DOCK5: variants seen among roughly 807,000 people sequenced by gnomAD.
The protein encoded by DOCK5 is dedicator of cytokinesis 5.
A neutral mutation model predicts 251.8 loss-of-function variants in DOCK5; 142 were observed. The ratio of observed to expected loss-of-function variants is 0.56; its 90% confidence interval spans 0.49 to 0.65. The LOEUF is 0.65. Among genes scored for constraint, DOCK5 ranks in the 30% least tolerant of loss-of-function variants. The pLI is 0.00. For synonymous variants in DOCK5, 842 were observed against 835.5 expected, an observed-to-expected ratio of 1.01 and a Z score of -0.13; for missense variants, 2,111 against 2,312.3, an observed-to-expected ratio of 0.91 and a Z score of 1.79.
chr8:25,356,898 A>G (rs1800582563), intron 27 of DOCK5, among the ~76,000 whole-genome samples: 1 of 137,386 alleles, frequency 7.3e-6, no homozygotes, highest in East Asian at 2.2e-4. Context: ...AAATCCCTCT[A>G]TATGAAGATT....
rs1333045036 is a variant in DOCK5 at position 25,210,122 on chromosome 8, ATCT to A, written c.43+25172_43+25174del. 3.6e-3 allele frequency among the ~76,000 whole-genome samples: 180 copies of A among 49,616 alleles called. 48 individuals are homozygous for A. The highest frequency in any genetic ancestry group is 7.2e-3 in the African/African-American group (166 of 22,898). 32.6% of individuals were successfully genotyped at this position (49,616 alleles called of 152,430 possible). On this transcript the variant is annotated intron_variant, in intron 1 of 51. Coordinates refer to ENST00000276440, the MANE Select transcript of DOCK5 (RefSeq NM_024940.8). ...TATCTATCTATCTATCTATCTATCT[ATCT>A]ATCTATCTATCGAGTAGAGATGGGG...
intron 1 of DOCK5, among the ~76,000 whole-genome samples, chr8:25,204,980 G>A (rs1051528320): frequency 2.6e-5 from 4 of 152,072 alleles, no homozygotes; most frequent in Non-Finnish European, 5.9e-5. Flanking sequence ...GAGATAATTA[G>A]GTTTAGATGA....
At chr8:25,374,541 C>A (rs764201512) in intron 36 of DOCK5, 23 bp from the exon 37 acceptor site, 3 of 1,584,230 alleles carry the variant, frequency 1.9e-6, no homozygotes, top group Non-Finnish European at 2.6e-6. Flanking sequence ...TGACAAAATG[C>A]TTCCTTCTCC....
chr8:25,224,678 G>A (rs1802483610), intron 1 of DOCK5, among the ~76,000 whole-genome samples: 1 of 152,160 alleles, frequency 6.6e-6, no homozygotes, highest in South Asian at 2.1e-4. Flanking sequence ...TCTCTGCATT[G>A]AAAGACATGG....
Position 25,353,984 on chromosome 8 carries a change from C to T in DOCK5, c.2850+2158C>T, listed in dbSNP as rs565140851. ...TTGAGGTTGCAATGAGCCAAGGTCA[C>T]GCCACTGCACTCCACCCTGGGTGAC... On this transcript the variant is annotated intron_variant, in intron 27 of 51. Transcript: ENST00000276440. 3.1e-3 allele frequency among the ~76,000 whole-genome samples: 441 copies of T among 142,200 alleles called. 2 individuals carry two copies. Among genetic ancestry groups the T allele is most frequent in the African/African-American group, 0.011 (399 of 36,912 alleles). 93.3% of individuals were successfully genotyped at this position (142,200 alleles called of 152,430 possible).
At chr8:25,318,415 C>CTTCT (rs1238408095) in intron 14 of DOCK5, among the ~76,000 whole-genome samples, 1 of 151,842 alleles carries the variant, frequency 6.6e-6, no homozygotes, top group African/African-American at 2.4e-5. Context: ...ACTTTACTTT[C>CTTCT]TTCTTTCTTT....
intron 1 of DOCK5, among the ~76,000 whole-genome samples, chr8:25,239,323 GTGTGTGTGTGTGTGTGTA>G (rs1289355727): frequency 7.7e-4 from 98 of 127,564 alleles, no homozygotes; most frequent in African/African-American, 2.3e-3. Flanking sequence ...GTGTATATGT[GTGTGTGTGTGTGTGTGTA>G]TGTGTGTGTG....
intron 12 of DOCK5, among the ~76,000 whole-genome samples, chr8:25,309,492 T>C (rs1352503185): frequency 2.0e-5 from 3 of 152,194 alleles, no homozygotes; most frequent in Non-Finnish European, 4.4e-5. Flanking sequence ...CTCCATGTTT[T>C]TGCCTACCCT....
At chr8:25,311,995 G>T (rs1158916048) in intron 13 of DOCK5, among the ~76,000 whole-genome samples, 1 of 152,164 alleles carries the variant, frequency 6.6e-6, no homozygotes, top group Non-Finnish European at 1.5e-5. Flanking sequence ...TTAAGGGGCA[G>T]TGATAACTTG....
At chr8:25,256,638 CAAAAAAA>C (rs891243325) in intron 2 of DOCK5, among the ~76,000 whole-genome samples, 3 of 48,944 alleles carry the variant, frequency 6.1e-5, no homozygotes, top group East Asian at 1.5e-3. Flanking sequence ...ATCTCCATCT[CAAAAAAA>C]AAAAAAAAAA....
At chr8:25,322,271 G>A (rs977029951) in intron 16 of DOCK5, among the ~76,000 whole-genome samples, 1 of 152,218 alleles carries the variant, frequency 6.6e-6, no homozygotes, top group African/African-American at 2.4e-5. Flanking sequence ...GGAATAGTAT[G>A]ATATGTACAT....
intron 34 of DOCK5, 133 bp downstream of exon 34, chr8:25,369,774 G>A (rs1221284806): frequency 2.7e-5 from 18 of 676,048 alleles, no homozygotes; most frequent in Non-Finnish European, 4.3e-5. Context: ...GTGGTCTTCA[G>A]TATGGTTATG....
intron 1 of DOCK5, among the ~76,000 whole-genome samples, chr8:25,213,494 A>G (rs1012153089): frequency 2.0e-5 from 3 of 151,774 alleles, no homozygotes; most frequent in African/African-American, 7.3e-5. Flanking sequence ...AACGTTTGAG[A>G]AACTGGAGAC....
rs1563223474 is a variant in DOCK5, at chr8:25,380,900, GAATGCCCAGTGGAGGCAGCACCATTCCA to G, written c.4026+522_4026+549del. On this transcript the variant is annotated intron_variant, in intron 39 of 51. Coordinates refer to ENST00000276440, the MANE Select transcript of DOCK5 (RefSeq NM_024940.8). ...TGCCCAGTGGAGGCAGCACCATTCC[GAATGCCCAGTGGAGGCAGCACCATTCCA>G]AATGCCCAGTGGAGGAGGCAGCCAT... Among the ~76,000 whole-genome samples, 33 of 148,590 alleles carry G rather than the reference GAATGCCCAGTGGAGGCAGCACCATTCCA, an allele frequency of 2.2e-4. No homozygotes were observed. The East Asian group carries it at 4.7e-3, about 21-fold the overall frequency.
intron 5 of DOCK5, among the ~76,000 whole-genome samples, chr8:25,289,630 G>T (rs1000450971): frequency 6.6e-6 from 1 of 151,728 alleles, no homozygotes; most frequent in African/African-American, 2.4e-5. Flanking sequence ...ATCATCTGAG[G>T]TCGGGAGTTT....
chr8:25,232,542 A>T (rs1331376702), intron 1 of DOCK5, among the ~76,000 whole-genome samples: 1 of 152,144 alleles, frequency 6.6e-6, no homozygotes, highest in Non-Finnish European at 1.5e-5. Flanking sequence ...GGTTCTGGTG[A>T]GGGCAGTCAG....
rs1803013421 is a variant in DOCK5, at chr8:25,243,545, G to T, written c.44-129G>T. Reference sequence around the variant, plus strand: ...GGGGTTTCACCATCTTGGCCAGGCTGGTCTTGAACTCCTGACCTCATGATC... The same window carrying T: ...GGGGTTTCACCATCTTGGCCAGGCTTGTCTTGAACTCCTGACCTCATGATC... On this transcript the variant is annotated intron_variant, in intron 1 of 51. Transcript: ENST00000276440. 6 of 710,590 alleles carry T rather than the reference G, an allele frequency of 8.4e-6. No homozygotes were observed. The South Asian group carries it at 1.0e-4, about 12-fold the overall frequency. The allele number at this position is 710,590 out of a possible 1,614,324, so 44.0% of individuals were successfully genotyped here.
intron 1 of DOCK5, among the ~76,000 whole-genome samples, chr8:25,204,744 A>G (rs1801960863): frequency 6.6e-6 from 1 of 152,202 alleles, no homozygotes; most frequent in Admixed American, 6.5e-5. Flanking sequence ...TGGCTAAGTC[A>G]TACGTTAATA....
chr8:25,228,938 A>C (rs1343499959), intron 1 of DOCK5, among the ~76,000 whole-genome samples: 1 of 152,088 alleles, frequency 6.6e-6, no homozygotes, highest in Non-Finnish European at 1.5e-5. Flanking sequence ...TTTAAACAAA[A>C]AAAATTTGTG....
Sources: allele counts gnomAD v4.1 joint callset (sites outside exome capture counted in the v4.1 genomes callset), GRCh38; gene constraint gnomAD v4.1.1; transcripts MANE v1.5; gene names NCBI Gene and HGNC (gene_info 2026-07-23, HGNC 2026-07-21).